TMEM41B: variants seen among roughly 807,000 people sequenced by gnomAD.
The protein encoded by TMEM41B is transmembrane protein 41B.
A neutral mutation model predicts 31.9 loss-of-function variants in TMEM41B; 18 were observed. That is an observed-to-expected ratio of 0.56 (90% CI 0.39 to 0.84). The LOEUF (loss-of-function observed/expected upper bound fraction) is 0.84, where lower values mean the gene tolerates loss of function less well. Among genes scored for constraint, TMEM41B ranks in the 40% least tolerant of loss-of-function variants. The pLI is 0.00. For missense variants in TMEM41B, 322 were observed against 348.0 expected (o/e 0.93, Z 0.59); for synonymous variants, 144 against 124.3 (o/e 1.16, Z -1.05).
At chr11:9,292,850 T>C (rs1852989640) in intron 3 of TMEM41B, among the ~76,000 whole-genome samples, 1 of 152,086 alleles carries the variant, frequency 6.6e-6, no homozygotes, top group African/African-American at 2.4e-5. Context: ...TTTTCCATAG[T>C]AGCTGCATCA....
chr11:9,283,688 C>T (rs1209161536), intron 6 of TMEM41B, 95 bp from the exon 7 acceptor site: 2 of 1,052,582 alleles, frequency 1.9e-6, no homozygotes, highest in Middle Eastern at 2.7e-4. Context: ...TAAAACAACA[C>T]AGCTATTTCC....
intron 1 of TMEM41B, among the ~76,000 whole-genome samples, chr11:9,303,182 A>G (rs921491600): frequency 6.6e-6 from 1 of 151,668 alleles, no homozygotes; most frequent in Admixed American, 6.6e-5. Context: ...ACACTGGCTA[A>G]TTTTTTTTGT....
At chr11:9,310,267 C>T (rs1264771794) in intron 1 of TMEM41B, among the ~76,000 whole-genome samples, 1 of 151,896 alleles carries the variant, frequency 6.6e-6, no homozygotes, top group African/African-American at 2.4e-5. Flanking sequence ...AACTCCTGAC[C>T]TCATGTTCCG....
rs940932658 is a variant in TMEM41B at position 9,287,610 on chromosome 11, G to A, written c.567+92C>T. ...TAACTTAGGAATTAATTTATGTTGG[G>A]TTAATACATGTAGTTAATTCATGTA... On this transcript the variant is annotated intron_variant, in intron 5 of 6. Coordinates refer to ENST00000528080, the MANE Select transcript of TMEM41B (RefSeq NM_015012.4). 9.0e-6 allele frequency: 7 copies of A among 779,268 alleles called. No homozygotes were observed. The Admixed American group carries it at 9.6e-5, about 11-fold the overall frequency. The allele number at this position is 779,268 out of a possible 1,614,324, so 48.3% of individuals were successfully genotyped here.
intron 3 of TMEM41B, among the ~76,000 whole-genome samples, chr11:9,294,118 C>A (rs958235375): frequency 7.7e-5 from 11 of 143,120 alleles, no homozygotes; most frequent in Admixed American, 5.2e-4. Context: ...GAGGCTGAGG[C>A]TGCAGTGAGC....
At chr11:9,298,920 T>C (rs1434101070) in intron 2 of TMEM41B, among the ~76,000 whole-genome samples, 2 of 152,130 alleles carry the variant, frequency 1.3e-5, no homozygotes, top group East Asian at 3.9e-4. Flanking sequence ...GTCCTTCATA[T>C]AATCTATGAT....
chr11:9,290,409 G>A (rs189348831), intron 3 of TMEM41B, among the ~76,000 whole-genome samples: 1 of 152,148 alleles, frequency 6.6e-6, no homozygotes, highest in Non-Finnish European at 1.5e-5. Flanking sequence ...TCATATTATG[G>A]ATAGTTTCAC....
In TMEM41B at chr11:9,314,461, G is replaced by C; in HGVS notation, c.-20C>G. 1 of 1,548,530 alleles carries C rather than the reference G, an allele frequency of 6.5e-7. No individual in the cohort carries two copies. Among genetic ancestry groups the C allele is most frequent in the South Asian group, 1.2e-5 (1 of 84,094 alleles). On this transcript the variant is annotated 5_prime_UTR_variant, in exon 1 of 7. Transcript: ENST00000528080. ...CGCCATGGCTGCTGCAAGGTGAAGG[G>C]AGCGGTGCGGTGCCGCGCCCCCTAA...
At chr11:9,285,770 T>C (rs1039540492) in intron 6 of TMEM41B, among the ~76,000 whole-genome samples, 5 of 148,394 alleles carry the variant, frequency 3.4e-5, no homozygotes, top group Non-Finnish European at 7.4e-5. Context: ...TTTTAATACT[T>C]GATTAGAAAA....
intron 2 of TMEM41B, among the ~76,000 whole-genome samples, chr11:9,298,715 A>G (rs939831599): frequency 6.6e-6 from 1 of 151,762 alleles, no homozygotes; most frequent in Non-Finnish European, 1.5e-5. Context: ...GATCACAGTA[A>G]GCCAAAATCA....
chr11:9,309,383 G>T (rs1853494707), intron 1 of TMEM41B, among the ~76,000 whole-genome samples: 1 of 151,816 alleles, frequency 6.6e-6, no homozygotes, highest in Non-Finnish European at 1.5e-5. Context: ...GGTTCCAGTG[G>T]GTTTTCTGTC....
intron 1 of TMEM41B, among the ~76,000 whole-genome samples, chr11:9,301,528 A>G (rs1043241035): frequency 6.6e-6 from 1 of 152,164 alleles, no homozygotes; most frequent in African/African-American, 2.4e-5. Context: ...ATAAAAGTTT[A>G]CAAATGTGTA....
At chr11:9,310,651 A>T (rs1293805086) in intron 1 of TMEM41B, among the ~76,000 whole-genome samples, 2 of 123,408 alleles carry the variant, frequency 1.6e-5, no homozygotes, top group African/African-American at 6.1e-5. Context: ...TTAGGTTAAG[A>T]GCCCTTTTTT....
chr11:9,299,098 T>C (rs1853174011), intron 2 of TMEM41B, among the ~76,000 whole-genome samples: 1 of 151,454 alleles, frequency 6.6e-6, no homozygotes, highest in Non-Finnish European at 1.5e-5. Context: ...CTGGCCAACA[T>C]GGTGAAACCC....
At chr11:9,293,518 C>T (rs1853006075) in intron 3 of TMEM41B, among the ~76,000 whole-genome samples, 1 of 152,178 alleles carries the variant, frequency 6.6e-6, no homozygotes, top group African/African-American at 2.4e-5. Flanking sequence ...TTTGTTCTTT[C>T]ACTTATCTGT....
chr11:9,311,301 G>T, intron 1 of TMEM41B: 2 of 1,523,210 alleles, frequency 1.3e-6, no homozygotes, highest in South Asian at 2.2e-5. Context: ...ACTGCTGGAA[G>T]AGGAGGAGGA....
chr11:9,283,483 C>T lies in TMEM41B; in HGVS notation c.817G>A (p.Ala273Thr). The T allele has an allele frequency of 6.2e-7, 1 of 1,612,974 alleles. No homozygotes were observed. Among genetic ancestry groups the T allele is most frequent in the Non-Finnish European group, 8.5e-7 (1 of 1,179,654 alleles). ...ATGGCTGGCAGAATAGAAAGAACAG[C>T]CAAGATCATCAGAATAAATATTGAG... ...WNSIFILMIL[A>T]VLSILPAIFQ... The change falls in exon 7 of 7, where the codon GCT becomes ACT. Residue 273 changes from alanine (A) to threonine (T), a missense_variant. Physicochemically the swap from Ala to Thr is moderately conservative, Grantham distance 58. This residue lies in a region of TMEM41B where 92 missense variants were observed against 88.0 expected (regional missense o/e 1.05). Coordinates refer to ENST00000528080, the MANE Select transcript of TMEM41B (RefSeq NM_015012.4).
chr11:9,281,305 G>C lies in TMEM41B; in HGVS notation c.*2119C>G, dbSNP rs1240864386. ...TGTAAAAATAACAAAAGATGTATCA[G>C]TCAGTCTCTGGGCAATAAGAAAGGA... On this transcript the variant is annotated 3_prime_UTR_variant, in exon 7 of 7. Coordinates refer to ENST00000528080, the MANE Select transcript of TMEM41B (RefSeq NM_015012.4). 6.6e-6 allele frequency: 1 copy of C among 152,144 alleles called. No homozygotes were observed. The highest frequency in any genetic ancestry group is 1.5e-5 in the Non-Finnish European group (1 of 68,030). The allele number at this position is 152,144 out of a possible 1,614,324, so 9.4% of individuals were successfully genotyped here.
chr11:9,288,495 T>C lies in TMEM41B; in HGVS notation c.409A>G (p.Ile137Val), dbSNP rs573738586. Residue 137 changes from isoleucine (I) to valine (V), a missense_variant, in exon 4 of 7, where the codon ATA (isoleucine) becomes GTA (valine). Physicochemically the swap from Ile to Val is conservative, Grantham distance 29. Around this residue, in one of 3 missense-constraint regions of TMEM41B, gnomAD observed 183 missense variants for 175.3 expected, o/e 1.04. Coordinates refer to ENST00000528080, the MANE Select transcript of TMEM41B (RefSeq NM_015012.4). ...FAIPGSIFLS[I>V]LSGFLYPFPL... Reference sequence around the variant, plus strand: ...AAGGGATAAAGAAACCCTGAGAGTATACTGAGAAATATAGAGCCTGGAATA... The same window carrying C: ...AAGGGATAAAGAAACCCTGAGAGTACACTGAGAAATATAGAGCCTGGAATA... The C allele has an allele frequency of 6.9e-6, 11 of 1,598,288 alleles. No individual in the cohort carries two copies. The highest frequency in any genetic ancestry group is 1.8e-5 in the Admixed American group (1 of 57,050).
Sources: allele counts gnomAD v4.1 joint callset (sites outside exome capture counted in the v4.1 genomes callset), GRCh38; gene constraint gnomAD v4.1.1; regional missense constraint gnomAD v4.1.1; transcripts MANE v1.5; gene names NCBI Gene and HGNC (gene_info 2026-07-23, HGNC 2026-07-21).